Variants in PCDHGA1 observed in about 807,000 individuals in gnomAD.
PCDHGA1 encodes protocadherin gamma-A1.
PCDHGA1 carries 32 observed loss-of-function variants against 58.0 expected under a neutral mutation model. The ratio of observed to expected loss-of-function variants is 0.55; its 90% CI spans 0.42 to 0.74. The LOEUF is 0.74. PCDHGA1 is among the 30% of genes least tolerant of loss of function. PCDHGA1 has a pLI of 0.00. For missense variants in PCDHGA1, 1,205 were observed against 1,182.3 expected (o/e 1.02, Z -0.28); for synonymous variants, 498 against 501.1 (o/e 0.99, Z 0.08).
chr5:141,375,987 G>A, intron 1 of PCDHGA1: 1 of 1,613,458 alleles, frequency 6.2e-7, no homozygotes, highest in Non-Finnish European at 8.5e-7. Context: ...CTGCTGGACA[G>A]AGACGCGCTC....
Position 141,431,335 on chromosome 5 carries a change from C to G in PCDHGA1, c.2422-63472C>G, listed in dbSNP as rs747132346. On this transcript the variant is annotated intron_variant, in intron 1 of 3. Transcript: ENST00000517417. The surrounding 1 kb of genome is among the most constrained non-coding windows in gnomAD (Gnocchi z 4.8). ...ATGGAGCCGACGGTAGTAAGTACCC[C>G]GAATTGGTGCTGAAACGCGCCCTGG... 2 of 1,614,062 alleles carry G rather than the reference C, an allele frequency of 1.2e-6. No homozygotes were observed. Among genetic ancestry groups the G allele is most frequent in the Non-Finnish European group, 1.7e-6 (2 of 1,180,022 alleles).
rs768635851 is a variant in PCDHGA1 at position 141,489,334 on chromosome 5, C to G, written c.2422-5473C>G. 2 of 1,606,614 alleles carry G rather than the reference C, an allele frequency of 1.2e-6. No individual in the cohort carries two copies. Among genetic ancestry groups the G allele is most frequent in the Non-Finnish European group, 1.7e-6 (2 of 1,175,584 alleles). On this transcript the variant is annotated intron_variant, in intron 1 of 3. Coordinates refer to ENST00000517417, the MANE Select transcript of PCDHGA1 (RefSeq NM_018912.3). The surrounding 1 kb of genome is among the most constrained non-coding windows in gnomAD (Gnocchi z 4.5). Reference sequence around the variant, plus strand: ...CTGGGGCTGGGTGTCTGGGCAGCTTCGTTACTCAGTGGTGGAGGAGTCTGA... The same window carrying G: ...CTGGGGCTGGGTGTCTGGGCAGCTTGGTTACTCAGTGGTGGAGGAGTCTGA...
Position 141,489,652 on chromosome 5 carries a change from C to T in PCDHGA1, c.2422-5155C>T, listed in dbSNP as rs767143028. The T allele has an allele frequency of 3.1e-6, 5 of 1,614,024 alleles. No individual in the cohort carries two copies. Among genetic ancestry groups the T allele is most frequent in the Non-Finnish European group, 4.2e-6 (5 of 1,180,026 alleles). ...CTCTCCTAGCTTTGCCACCCCTGAG[C>T]GAGAGATGCGCATCTCAGAATCAGC... On this transcript the variant is annotated intron_variant, in intron 1 of 3. Coordinates refer to ENST00000517417, the MANE Select transcript of PCDHGA1 (RefSeq NM_018912.3). The surrounding 1 kb of genome is among the most constrained non-coding windows in gnomAD (Gnocchi z 4.5).
intron 1 of PCDHGA1, among the ~76,000 whole-genome samples, chr5:141,363,114 G>C (rs1762815949): frequency 6.6e-6 from 1 of 152,244 alleles, no homozygotes; most frequent in Non-Finnish European, 1.5e-5. Flanking sequence ...TTTGAGGTCT[G>C]AGGTGTCTGC....
chr5:141,491,450 C>G lies in PCDHGA1; in HGVS notation c.2422-3357C>G. ...CAGTGCTGCAGGCGCCAGGACTCAC[C>G]CTCCCCGGACTTCTATAAGCAGTCC... On this transcript the variant is annotated intron_variant, in intron 1 of 3. Transcript: ENST00000517417. The surrounding 1 kb of genome is among the most constrained non-coding windows in gnomAD (Gnocchi z 6.9). The G allele has an allele frequency of 1.2e-6, 2 of 1,614,110 alleles. No homozygotes were observed. Among genetic ancestry groups the G allele is most frequent in the Non-Finnish European group, 1.7e-6 (2 of 1,180,044 alleles).
At chr5:141,337,176 A>G (rs768498344) in intron 1 of PCDHGA1, among the ~76,000 whole-genome samples, 7 of 152,228 alleles carry the variant, frequency 4.6e-5, no homozygotes, top group Non-Finnish European at 7.3e-5. Context: ...ATTGCTGGTG[A>G]ATATAAAATG....
chr5:141,460,608 T>A (rs2098993153), intron 1 of PCDHGA1, among the ~76,000 whole-genome samples: 1 of 152,186 alleles, frequency 6.6e-6, no homozygotes, highest in Non-Finnish European at 1.5e-5. Context: ...CTGTGTTAGA[T>A]GGATAGATAG....
Position 141,418,592 on chromosome 5 carries a change from G to A in PCDHGA1, c.2422-76215G>A, listed in dbSNP as rs772314584. Reference sequence around the variant, plus strand: ...TGACAACCCCCCAGTGTTCAGCCAGGACGTGTACAGGGTTAGCCTTCGGGA... The same window carrying A: ...TGACAACCCCCCAGTGTTCAGCCAGAACGTGTACAGGGTTAGCCTTCGGGA... On this transcript the variant is annotated intron_variant, in intron 1 of 3. Transcript: ENST00000517417. 18 of 1,614,020 alleles carry A rather than the reference G, an allele frequency of 1.1e-5. No homozygotes were observed. The highest frequency in any genetic ancestry group is 1.5e-5 in the Non-Finnish European group (18 of 1,179,902).
chr5:141,423,661 GT>G, intron 1 of PCDHGA1: 1 of 1,555,760 alleles, frequency 6.4e-7, no homozygotes. Flanking sequence ...AAGTAATCAG[GT>G]GAGATTTATT....
chr5:141,425,890 G>A (rs943076854), intron 1 of PCDHGA1, among the ~76,000 whole-genome samples: 1 of 152,118 alleles, frequency 6.6e-6, no homozygotes, highest in Non-Finnish European at 1.5e-5. Flanking sequence ...AATCTTCTTT[G>A]GTAGTAAACA....
chr5:141,341,413 A>C, intron 1 of PCDHGA1: 1 of 1,614,082 alleles, frequency 6.2e-7, no homozygotes, highest in Non-Finnish European at 8.5e-7. Flanking sequence ...ATCTTTTCAC[A>C]ACATACGTAC....
At chr5:141,400,174 G>T in intron 1 of PCDHGA1, 1 of 1,614,076 alleles carries the variant, frequency 6.2e-7, no homozygotes, top group Non-Finnish European at 8.5e-7. Context: ...CCCCCAGGCT[G>T]AGCTGCAGTT....
intron 1 of PCDHGA1, chr5:141,356,250 A>T: frequency 3.2e-6 from 5 of 1,575,134 alleles, no homozygotes; most frequent in Non-Finnish European, 4.3e-6. Context: ...TCACAGTTAC[A>T]TCTCTCACCA....
chr5:141,394,347 G>A lies in PCDHGA1; in HGVS notation c.2421+61242G>A, dbSNP rs770737407. 1.9e-6 allele frequency: 3 copies of A among 1,614,118 alleles called. No homozygotes were observed. The South Asian group carries it at 3.3e-5, about 18-fold the overall frequency. On this transcript the variant is annotated intron_variant, in intron 1 of 3. Coordinates refer to ENST00000517417, the MANE Select transcript of PCDHGA1 (RefSeq NM_018912.3). ...GTATATCTCCATCAACTCTGACACC[G>A]GTGTCCTGTATGCGCTGCAATCTTT...
At chr5:141,462,547 T>G (rs534942187) in intron 1 of PCDHGA1, among the ~76,000 whole-genome samples, 1 of 152,330 alleles carries the variant, frequency 6.6e-6, no homozygotes, top group African/African-American at 2.4e-5. Flanking sequence ...TCTTTTCTTC[T>G]TCAGTGTTTA....
chr5:141,376,485 A>G (rs1772740075), intron 1 of PCDHGA1: 1 of 1,614,056 alleles, frequency 6.2e-7, no homozygotes, highest in Non-Finnish European at 8.5e-7. Context: ...CTTGAAACGA[A>G]AGGAGAACCC....
At chr5:141,417,027 GGT>G (rs1491367168) in intron 1 of PCDHGA1, 2 of 134,514 alleles carry the variant, frequency 1.5e-5, no homozygotes, top group Non-Finnish European at 3.1e-5. Flanking sequence ...GAAAAATACA[GGT>G]TTTTTTTTTA....
At chr5:141,418,899 T>C (rs1320380997) in intron 1 of PCDHGA1, 1 of 1,613,944 alleles carries the variant, frequency 6.2e-7, no homozygotes. Flanking sequence ...AGCCCAGAAA[T>C]AATCATCACG....
intron 1 of PCDHGA1, among the ~76,000 whole-genome samples, chr5:141,425,045 C>T (rs1374682125): frequency 6.6e-6 from 1 of 152,136 alleles, no homozygotes; most frequent in East Asian, 1.9e-4. Context: ...TGTAAACTGA[C>T]TATCTAGGGC....
Sources: allele counts gnomAD v4.1 joint callset (sites outside exome capture counted in the v4.1 genomes callset), GRCh38; gene constraint gnomAD v4.1.1; non-coding constraint Gnocchi (gnomAD v3.1); transcripts MANE v1.5; gene names NCBI Gene and HGNC (gene_info 2026-07-23, HGNC 2026-07-21).